The following DTWD2 variants were observed in gnomAD, a reference collection of about 807,000 sequenced individuals.
DTWD2 encodes tRNA-uridine aminocarboxypropyltransferase 2.
Under a neutral mutation model 31.8 loss-of-function variants are expected in DTWD2, and 39 were observed. The observed-to-expected ratio is 1.22, with a 90% CI of 0.95 to 1.60. The LOEUF (loss-of-function observed/expected upper bound fraction) is 1.60. DTWD2 is among the 40% of genes most tolerant of loss of function. DTWD2 has a pLI of 0.00. For missense variants in DTWD2, 515 were observed against 381.5 expected, an observed-to-expected ratio of 1.35 and a Z score of -2.92; for synonymous variants, 180 against 142.8, an observed-to-expected ratio of 1.26 and a Z score of -1.86.
chr5:118,965,254 G>A (rs927267775), intron 1 of DTWD2, among the ~76,000 whole-genome samples: 4 of 150,826 alleles, frequency 2.7e-5, no homozygotes, highest in African/African-American at 4.9e-5. Context: ...CAGCCGCCCC[G>A]TCCGGGAGGT....
intron 1 of DTWD2, among the ~76,000 whole-genome samples, chr5:118,958,300 A>G (rs1249113646): frequency 6.6e-6 from 1 of 152,058 alleles, no homozygotes; most frequent in Non-Finnish European, 1.5e-5. Flanking sequence ...CAAAAATACA[A>G]AAACAAAATG....
intron 4 of DTWD2, among the ~76,000 whole-genome samples, chr5:118,864,911 T>C (rs1752350058): frequency 6.6e-6 from 1 of 152,152 alleles, no homozygotes; most frequent in Non-Finnish European, 1.5e-5. Context: ...ATATTGCGTA[T>C]TTTCTCATAA....
At chr5:118,944,011 G>C (rs1754268962) in intron 2 of DTWD2, among the ~76,000 whole-genome samples, 1 of 152,156 alleles carries the variant, frequency 6.6e-6, no homozygotes, top group African/African-American at 2.4e-5. Flanking sequence ...CTAATCAAGA[G>C]TTACAAACAC....
chr5:118,922,121 G>A (rs906310288), intron 4 of DTWD2, among the ~76,000 whole-genome samples: 3 of 152,170 alleles, frequency 2.0e-5, no homozygotes, highest in African/African-American at 7.2e-5. Flanking sequence ...CCTAGCAAAT[G>A]TCAAGGGTCT....
At chr5:118,850,420 G>A (rs1366358544) in intron 4 of DTWD2, among the ~76,000 whole-genome samples, 2 of 128,018 alleles carry the variant, frequency 1.6e-5, no homozygotes, top group African/African-American at 2.9e-5. Flanking sequence ...AGAGGTTGCA[G>A]TGAGTCAAGA....
At chr5:118,854,563 A>G (rs1268037232) in intron 4 of DTWD2, among the ~76,000 whole-genome samples, 1 of 152,148 alleles carries the variant, frequency 6.6e-6, no homozygotes, top group Non-Finnish European at 1.5e-5. Flanking sequence ...TAAATTATAT[A>G]GTCATATAAG....
chr5:118,915,115 G>A lies in DTWD2; in HGVS notation c.597+13422C>T, dbSNP rs1316249409. On this transcript the variant is annotated intron_variant, in intron 4 of 5. Transcript: ENST00000510708. ...GCCTATAATCCCAGCTACTTAGGAGGTTGAGGCATGAGAATCACTTGAACC... is the reference window on the plus strand; with the variant it reads ...GCCTATAATCCCAGCTACTTAGGAGATTGAGGCATGAGAATCACTTGAACC... Among the ~76,000 whole-genome samples the A allele has an allele frequency of 5.9e-5, 9 of 152,116 alleles. No homozygotes were observed. The East Asian group carries it at 1.7e-3, about 29-fold the overall frequency.
intron 1 of DTWD2, among the ~76,000 whole-genome samples, chr5:118,986,247 G>A (rs1452403386): frequency 2.0e-5 from 3 of 152,128 alleles, no homozygotes; most frequent in African/African-American, 4.8e-5. Context: ...GGTATTCTAA[G>A]AGGTAAATGG....
At chr5:118,883,579 G>A (rs1752791652) in intron 4 of DTWD2, among the ~76,000 whole-genome samples, 1 of 152,154 alleles carries the variant, frequency 6.6e-6, no homozygotes, top group South Asian at 2.1e-4. Context: ...TAGCTGAGGA[G>A]GCCTCAGGAA....
chr5:118,896,955 T>C (rs913370497), intron 4 of DTWD2, among the ~76,000 whole-genome samples: 4 of 152,196 alleles, frequency 2.6e-5, no homozygotes, highest in Non-Finnish European at 5.9e-5. Flanking sequence ...GTAACCTCTA[T>C]GGACATCAAA....
intron 4 of DTWD2, among the ~76,000 whole-genome samples, chr5:118,885,023 T>C: frequency 7.6e-6 from 1 of 130,780 alleles, no homozygotes; most frequent in South Asian, 2.3e-4. Flanking sequence ...AAAAAAATCG[T>C]CCAGGTTGGG....
At chr5:118,872,075 A>G (rs1359787268) in intron 4 of DTWD2, among the ~76,000 whole-genome samples, 1 of 152,178 alleles carries the variant, frequency 6.6e-6, no homozygotes, top group Admixed American at 6.5e-5. Flanking sequence ...AACCACTGAT[A>G]GCTTCAAACT....
rs549786380 is a variant in DTWD2, at chr5:118,936,368, G to A, written c.404+2828C>T. Among the ~76,000 whole-genome samples the A allele has an allele frequency of 2.6e-5, 4 of 151,530 alleles. No homozygotes were observed. The East Asian group carries it at 7.7e-4, about 29-fold the overall frequency. ...AGCCTGGGCAACATAGCGAGACCCT[G>A]TCTCTACAAAAGAAAACTTTTAATT... On this transcript the variant is annotated intron_variant, in intron 3 of 5. Transcript: ENST00000510708.
At position 118,895,009 on chromosome 5, in the gene DTWD2, G is replaced by C. The variant is rs59978282; in HGVS notation, c.597+33528C>G. Among the ~76,000 whole-genome samples, 744 of 152,126 alleles carry C rather than the reference G, an allele frequency of 4.9e-3. 6 individuals are homozygous for C. The highest frequency in any genetic ancestry group is 0.017 in the African/African-American group (698 of 41,514). On this transcript the variant is annotated intron_variant, in intron 4 of 5. Coordinates refer to ENST00000510708, the MANE Select transcript of DTWD2 (RefSeq NM_173666.4). ...AACATAGTACTGAAAGTCCTGGCCAGAAAAATTAGGCAAAGGAAGAAATAA... is the reference window on the plus strand; with the variant it reads ...AACATAGTACTGAAAGTCCTGGCCACAAAAATTAGGCAAAGGAAGAAATAA...
chr5:118,836,654 G>A lies in DTWD2; in HGVS notation c.*4263C>T, dbSNP rs1001941548. 2.0e-5 allele frequency among the ~76,000 whole-genome samples: 3 copies of A among 152,214 alleles called. No homozygotes were observed. Among genetic ancestry groups the A allele is most frequent in the African/African-American group, 7.2e-5 (3 of 41,450 alleles). On this transcript the variant is annotated 3_prime_UTR_variant, in exon 6 of 6. Coordinates refer to ENST00000510708, the MANE Select transcript of DTWD2 (RefSeq NM_173666.4). ...TGTGTCCCCACAAAACTCACAGGTT[G>A]AAACCTTAATTCCCGAGGTATAGTA...
chr5:118,913,059 G>A (rs1278179936), intron 4 of DTWD2, among the ~76,000 whole-genome samples: 2 of 152,218 alleles, frequency 1.3e-5, no homozygotes, highest in South Asian at 2.1e-4. Flanking sequence ...TATGCCTAGC[G>A]TTCCATTATT....
chr5:118,917,049 G>C (rs1156876167), intron 4 of DTWD2, among the ~76,000 whole-genome samples: 1 of 152,038 alleles, frequency 6.6e-6, no homozygotes, highest in Non-Finnish European at 1.5e-5. Flanking sequence ...ATTTTAAACT[G>C]ACAAAAATAT....
In DTWD2 at chr5:118,944,604, A is replaced by C. The variant is rs1396642088; in HGVS notation, c.264T>G (p.Pro88=). ...VCLCPFLPAH[P]LHISTHLYII... ...TGTACAAGTGGGTAGAGATATGCAG[A>C]GGGTGCGCTGGGAGAAATGGACACA... is the stretch of plus-strand genomic sequence containing the variant. Residue 88 remains proline, a synonymous_variant, in exon 2 of 6, where the codon CCT becomes CCG. Transcript: ENST00000510708. 1 of 1,613,538 alleles carries C rather than the reference A, an allele frequency of 6.2e-7. No individual in the cohort carries two copies. The highest frequency in any genetic ancestry group is 8.5e-7 in the Non-Finnish European group (1 of 1,179,778).
chr5:118,909,473 C>T (rs756594553), intron 4 of DTWD2, among the ~76,000 whole-genome samples: 3 of 152,144 alleles, frequency 2.0e-5, no homozygotes, highest in Non-Finnish European at 4.4e-5. Flanking sequence ...AGTTTTTCAC[C>T]TTCTCAGACT....
Sources: allele counts gnomAD v4.1 joint callset (sites outside exome capture counted in the v4.1 genomes callset), GRCh38; gene constraint gnomAD v4.1.1; transcripts MANE v1.5; gene names NCBI Gene and HGNC (gene_info 2026-07-23, HGNC 2026-07-21).